The following COL18A1 variants were observed in gnomAD, a reference collection of about 807,000 sequenced individuals.
COL18A1 encodes collagen alpha-1(XVIII) chain.
In COL18A1, 133 loss-of-function variants were observed where a neutral mutation model predicts 168.0. The observed-to-expected ratio is 0.79, with a 90% CI of 0.69 to 0.91. The LOEUF is 0.91. COL18A1 is among the 40% of genes least tolerant of loss of function. COL18A1 has a pLI of 0.00. For missense variants in COL18A1, 2,126 were observed against 1,925.4 expected, an observed-to-expected ratio of 1.10 and a Z score of -1.95; for synonymous variants, 949 against 809.0, an observed-to-expected ratio of 1.17 and a Z score of -2.94.
rs181180442 is a variant in COL18A1 at position 45,451,519 on chromosome 21, C to T, written c.107-16723C>T. 1.5e-3 allele frequency among the ~76,000 whole-genome samples: 236 copies of T among 152,340 alleles called. 7 individuals are homozygous for T. The East Asian group carries it at 0.026, about 17-fold the overall frequency. ...TCCCACGGGGTTGGCGAGCCATGCT[C>T]TTCCCCAGCTCCTCGCTGGCCTTCA... is the stretch of plus-strand genomic sequence containing the variant. On this transcript the variant is annotated intron_variant, in intron 2 of 41. Transcript: ENST00000651438.
rs191902487 is a variant in COL18A1, at chr21:45,463,885, G to A, written c.107-4357G>A. On this transcript the variant is annotated intron_variant, in intron 2 of 41. Transcript: ENST00000651438. The surrounding 1 kb of genome is among the most constrained non-coding windows in gnomAD (Gnocchi z 4.0). ...GTACTCCAGCCTGGGCAACAAGAGC[G>A]AAACTCCATCTAAAAAAAAAAAAGA... is the stretch of plus-strand genomic sequence containing the variant. Among the ~76,000 whole-genome samples the A allele has an allele frequency of 4.6e-5, 7 of 150,974 alleles. No homozygotes were observed. Among genetic ancestry groups the A allele is most frequent in the South Asian group, 4.2e-4 (2 of 4,804 alleles).
At chr21:45,419,984 T>G (rs985205856) in intron 2 of COL18A1, 1 of 152,188 alleles carries the variant, frequency 6.6e-6, no homozygotes, top group African/African-American at 2.4e-5. Context: ...GTTTCCATCC[T>G]TTCATGGTCA....
chr21:45,511,430 G>A (rs534373152), intron 41 of COL18A1, among the ~76,000 whole-genome samples: 75 of 152,322 alleles, frequency 4.9e-4, no homozygotes, highest in African/African-American at 1.7e-3. Context: ...TTGAGAGCCA[G>A]GTAGTTGTAA....
intron 2 of COL18A1, among the ~76,000 whole-genome samples, chr21:45,437,728 G>GCA (rs199799680): frequency 1.6e-4 from 6 of 36,854 alleles, no homozygotes; most frequent in East Asian, 8.6e-4. Context: ...GCACTCTCCT[G>GCA]CACACACACA....
At chr21:45,440,098 C>T (rs915946552) in intron 2 of COL18A1, among the ~76,000 whole-genome samples, 2 of 152,222 alleles carry the variant, frequency 1.3e-5, no homozygotes, top group African/African-American at 4.8e-5. Flanking sequence ...CAAACGTCTC[C>T]GGCCTAGCCC....
Position 45,498,191 on chromosome 21 carries a change from A to G in COL18A1, c.2683+530A>G, listed in dbSNP as rs960753545. On this transcript the variant is annotated intron_variant, in intron 32 of 41. Transcript: ENST00000651438. The surrounding 1 kb of genome is among the most constrained non-coding windows in gnomAD (Gnocchi z 4.5). ...GGATGTCCTGCCAAGACCACTGAGA[A>G]CAGCTGGATAAAATGTGAGAAAACC... 2.9e-6 allele frequency: 2 copies of G among 696,096 alleles called. No homozygotes were observed. 43.1% of individuals were successfully genotyped at this position (696,096 alleles called of 1,614,324 possible).
intron 3 of COL18A1, 129 bp downstream of exon 3, chr21:45,468,915 G>GGGCCTCCAGCGCA: frequency 2.0e-6 from 2 of 1,016,736 alleles, no homozygotes; most frequent in South Asian, 3.4e-5. Context: ...TGGTCAGCCC[G>GGGCCTCCAGCGCA]GGCCTCCAGC....
chr21:45,508,440 T>C (rs1381421626), intron 38 of COL18A1, among the ~76,000 whole-genome samples: 10 of 113,338 alleles, frequency 8.8e-5, no homozygotes, highest in African/African-American at 4.0e-4. Flanking sequence ...GGATGGTGGG[T>C]AAGTGGGTGA....
At position 45,487,508 on chromosome 21, in the gene COL18A1, A is replaced by T. The variant is rs775164721; in HGVS notation, c.1895A>T (p.Gln632Leu). 2.5e-6 allele frequency: 4 copies of T among 1,612,784 alleles called. No homozygotes were observed. The African/African-American group carries it at 5.3e-5, about 22-fold the overall frequency. The change falls in exon 17 of 42, where the codon CAG becomes CTG. Residue 632 changes from glutamine to leucine, a missense_variant and splice_region_variant. Coordinates refer to ENST00000651438, the MANE Select transcript of COL18A1 (RefSeq NM_001379500.1). Reference sequence around the variant, plus strand: ...ACAGCCCGAAGCGCTGATGGGCCACAGGTAGTGTTGTGAGCTGGGCGTGGC... The same window carrying T: ...ACAGCCCGAAGCGCTGATGGGCCACTGGTAGTGTTGTGAGCTGGGCGTGGC... ...WSTARSADGP[Q>L]GPPGLPGLKG...
chr21:45,495,274 TG>T, intron 28 of COL18A1, 83 bp from the exon 29 acceptor site: 1 of 1,189,868 alleles, frequency 8.4e-7, no homozygotes, highest in Non-Finnish European at 1.2e-6. Flanking sequence ...GGGCCTGGCG[TG>T]GGGCTAACGG....
chr21:45,474,254 T>TGC (rs934657909), intron 4 of COL18A1, among the ~76,000 whole-genome samples: 4 of 150,130 alleles, frequency 2.7e-5, no homozygotes, highest in African/African-American at 1.0e-4. Flanking sequence ...CAGCAAAGTG[T>TGC]GTGTGTGTGT....
chr21:45,503,516 C>G (rs1041092904), intron 32 of COL18A1, among the ~76,000 whole-genome samples: 1 of 151,582 alleles, frequency 6.6e-6, no homozygotes, highest in Non-Finnish European at 1.5e-5. Flanking sequence ...AATCATCATT[C>G]TCAGTAAACT....
At position 45,471,145 on chromosome 21, in the gene COL18A1, G is replaced by A. The variant is rs972899800; in HGVS notation, c.651+2359G>A. Among the ~76,000 whole-genome samples the A allele has an allele frequency of 2.0e-5, 3 of 150,622 alleles. No homozygotes were observed. Among genetic ancestry groups the A allele is most frequent in the Non-Finnish European group, 4.4e-5 (3 of 67,472 alleles). The stretch of plus-strand genomic sequence containing the variant: ...CACTACGGGCCTTGTGCTGCTGGGC[G>A]TGGGTGGCGTGCAGCAGGCCGTGTG... On this transcript the variant is annotated intron_variant, in intron 3 of 41. Transcript: ENST00000651438. The surrounding 1 kb of genome is among the most constrained non-coding windows in gnomAD (Gnocchi z 4.4).
chr21:45,460,934 C>T (rs981593027), intron 2 of COL18A1, among the ~76,000 whole-genome samples: 1 of 152,174 alleles, frequency 6.6e-6, no homozygotes, highest in African/African-American at 2.4e-5. Flanking sequence ...TAAGCACAGA[C>T]AGAATGAAAA....
chr21:45,484,323 A>G (rs1247794378), intron 15 of COL18A1, among the ~76,000 whole-genome samples: 1 of 142,152 alleles, frequency 7.0e-6, no homozygotes, highest in Non-Finnish European at 1.5e-5. Flanking sequence ...GCATACATGC[A>G]CACACATGCA....
Position 45,437,590 on chromosome 21 carries a change from A to T in COL18A1, c.107-30652A>T, listed in dbSNP as rs528060397. Among the ~76,000 whole-genome samples the T allele has an allele frequency of 3.7e-5, 3 of 80,206 alleles. No individual in the cohort carries two copies. The East Asian group carries it at 1.3e-3, about 35-fold the overall frequency. The allele number at this position is 80,206 out of a possible 152,430, so 52.6% of individuals were successfully genotyped here. A position where few individuals can be genotyped will look rare whatever the true frequency, so the allele number is the denominator to read the frequency against. On this transcript the variant is annotated intron_variant, in intron 2 of 41. Coordinates refer to ENST00000651438, the MANE Select transcript of COL18A1 (RefSeq NM_001379500.1). The stretch of plus-strand genomic sequence containing the variant: ...CACAGGCACTCTCCTGTACACACAC[A>T]CACTCACACACTCAGACACACAGGC...
At chr21:45,490,182 G>A (rs1317176996) in intron 19 of COL18A1, 93 bp from the exon 20 acceptor site, 56 of 1,049,032 alleles carry the variant, frequency 5.3e-5, no homozygotes, top group Non-Finnish European at 7.1e-5. Flanking sequence ...CCAGGCCATC[G>A]CCACGTCCAC....
Position 45,443,507 on chromosome 21 carries a change from T to G in COL18A1, c.107-24735T>G, listed in dbSNP as rs73909529. On this transcript the variant is annotated intron_variant, in intron 2 of 41. Coordinates refer to ENST00000651438, the MANE Select transcript of COL18A1 (RefSeq NM_001379500.1). The surrounding 1 kb of genome is among the most constrained non-coding windows in gnomAD (Gnocchi z 5.2). ...TGCTTTGCCACTGGCCACCCAGAGCTAGGAGCCTCGGCCAAGGGCTCCCTC... is the reference window on the plus strand; with the variant it reads ...TGCTTTGCCACTGGCCACCCAGAGCGAGGAGCCTCGGCCAAGGGCTCCCTC... Among the ~76,000 whole-genome samples, 823 of 152,260 alleles carry G rather than the reference T, an allele frequency of 5.4e-3. 12 individuals are homozygous for G. Among genetic ancestry groups the G allele is most frequent in the African/African-American group, 0.019 (797 of 41,568 alleles).
chr21:45,441,280 G>T (rs2034363843), intron 2 of COL18A1, among the ~76,000 whole-genome samples: 1 of 152,194 alleles, frequency 6.6e-6, no homozygotes, highest in African/African-American at 2.4e-5. Context: ...GCCCTTCAGG[G>T]TTCATCGAGG....
Sources: gnomAD v4.1 joint callset for allele counts (sites outside exome capture counted in the v4.1 genomes callset) on GRCh38, gnomAD v4.1.1 for gene constraint, Gnocchi (gnomAD v3.1) non-coding constraint, MANE v1.5 for transcripts, NCBI Gene and HGNC (gene_info 2026-07-23, HGNC 2026-07-21) for gene names.